The following CRIM1 variants were observed in gnomAD, a reference collection of about 807,000 sequenced individuals.
CRIM1 encodes the protein cysteine rich transmembrane BMP regulator 1.
In CRIM1, 32 loss-of-function variants were observed where a neutral mutation model predicts 116.4. The observed-to-expected ratio is 0.27, with a 90% CI of 0.21 to 0.37. CRIM1 has a LOEUF of 0.37. Ranked by LOEUF, CRIM1 falls within the 10% of genes least tolerant of loss-of-function variation. CRIM1 has a pLI of 1.00. For missense variants in CRIM1, 1,331 were observed against 1,354.8 expected (o/e 0.98, Z 0.28); for synonymous variants, 590 against 509.2 (o/e 1.16, Z -2.13).
At chr2:36,489,731 T>C (rs1291744726) in intron 7 of CRIM1, among the ~76,000 whole-genome samples, 1 of 152,152 alleles carries the variant, frequency 6.6e-6, no homozygotes, top group Non-Finnish European at 1.5e-5. Context: ...CTGGCAAAGA[T>C]AAAAAGTAGT....
chr2:36,358,349 G>T (rs961889514), intron 1 of CRIM1, among the ~76,000 whole-genome samples: 3 of 152,198 alleles, frequency 2.0e-5, no homozygotes, highest in Admixed American at 1.3e-4. Context: ...CCGGCCTCTC[G>T]TAAATCTGAA....
intron 2 of CRIM1, among the ~76,000 whole-genome samples, chr2:36,406,148 AAAATT>A (rs1191890386): frequency 3.3e-5 from 5 of 152,246 alleles, no homozygotes; most frequent in Non-Finnish European, 5.9e-5. Flanking sequence ...AGATATACTG[AAAATT>A]AAATTATATG....
At position 36,548,633 on chromosome 2, in the gene CRIM1, T is replaced by C. The variant is rs1205585281; in HGVS notation, c.3043T>C (p.Phe1015Leu). Residue 1015 changes from phenylalanine (F) to leucine (L), a missense_variant, in exon 17 of 17, where the codon TTC becomes CTC. Coordinates refer to ENST00000280527, the MANE Select transcript of CRIM1 (RefSeq NM_016441.3). ...AAGAATTGCAGAACCAGATGCAAGA[T>C]TCAGTGGCTTCTACAGCATGCAAAA... ...MLRIAEPDAR[F>L]SGFYSMQKQN... The C allele has an allele frequency of 6.2e-7, 1 of 1,612,668 alleles. No individual in the cohort carries two copies. Among genetic ancestry groups the C allele is most frequent in the Non-Finnish European group, 8.5e-7 (1 of 1,179,488 alleles).
rs866597850 is a variant in CRIM1 at position 36,537,465 on chromosome 2, C to T, written c.2542C>T (p.Leu848Phe). 6.2e-7 allele frequency: 1 copy of T among 1,614,234 alleles called. No homozygotes were observed. Among genetic ancestry groups the T allele is most frequent in the Non-Finnish European group, 8.5e-7 (1 of 1,180,038 alleles). ...THCYCLQGQTLCSTVSCPPLP... is the reference protein window; with the variant it reads ...THCYCLQGQTFCSTVSCPPLP... ...CTGCTACTGCCTGCAGGGCCAGACC[C>T]TCTGCTCGACCGTCAGCTGCCCCCC... Residue 848 changes from leucine (L) to phenylalanine (F), a missense_variant, in exon 14 of 17, where the codon CTC (leucine) becomes TTC (phenylalanine). By Grantham distance (22) the Leu-to-Phe change is conservative. This residue lies in a region of CRIM1 where 283 missense variants were observed against 242.8 expected (regional missense o/e 1.17). Coordinates refer to ENST00000280527, the MANE Select transcript of CRIM1 (RefSeq NM_016441.3).
intron 4 of CRIM1, among the ~76,000 whole-genome samples, chr2:36,456,558 A>G (rs932457599): frequency 1.3e-5 from 2 of 152,046 alleles, no homozygotes; most frequent in South Asian, 4.2e-4. Flanking sequence ...AAGCCATCCT[A>G]CCAGCCGTGA....
chr2:36,433,214 T>C (rs1675031659), intron 2 of CRIM1, among the ~76,000 whole-genome samples: 1 of 148,630 alleles, frequency 6.7e-6, no homozygotes, highest in African/African-American at 2.5e-5. Flanking sequence ...TCTAAGTTTC[T>C]GCATTTCCAG....
At chr2:36,365,616 G>C (rs1669536825) in intron 1 of CRIM1, among the ~76,000 whole-genome samples, 1 of 152,204 alleles carries the variant, frequency 6.6e-6, no homozygotes, top group Admixed American at 6.5e-5. Context: ...GGGAGTCTTT[G>C]TGATATAGTG....
chr2:36,372,203 G>T (rs138109526), intron 1 of CRIM1, among the ~76,000 whole-genome samples: 1 of 152,168 alleles, frequency 6.6e-6, no homozygotes, highest in Non-Finnish European at 1.5e-5. Flanking sequence ...TAATTAAAAT[G>T]CCTCACAATG....
intron 1 of CRIM1, among the ~76,000 whole-genome samples, chr2:36,385,879 G>C (rs1174678659): frequency 6.6e-6 from 1 of 152,186 alleles, no homozygotes; most frequent in Non-Finnish European, 1.5e-5. Context: ...CTGGCACATA[G>C]AAAGTGCTCA....
At chr2:36,418,095 G>A (rs1673762293) in intron 2 of CRIM1, among the ~76,000 whole-genome samples, 1 of 152,206 alleles carries the variant, frequency 6.6e-6, no homozygotes, top group African/African-American at 2.4e-5. Flanking sequence ...GGGACTAAGG[G>A]AACAGGTGCA....
At chr2:36,410,348 A>T (rs555748741) in intron 2 of CRIM1, among the ~76,000 whole-genome samples, 1 of 152,300 alleles carries the variant, frequency 6.6e-6, no homozygotes, top group South Asian at 2.1e-4. Context: ...CAATAACAAA[A>T]GAACAATACA....
chr2:36,458,035 G>A (rs1361550301), intron 4 of CRIM1, among the ~76,000 whole-genome samples: 2 of 152,114 alleles, frequency 1.3e-5, no homozygotes, highest in African/African-American at 4.8e-5. Flanking sequence ...ATTTATAGGC[G>A]GTCATGTCTC....
Position 36,356,285 on chromosome 2 carries a change from G to T in CRIM1, c.-8G>T. Reference sequence around the variant, plus strand: ...GCTGCGAGGAGGAGGCGGCGGCGGCGCAGGAGGATGTACTTGGTGGCGGGG... The same window carrying T: ...GCTGCGAGGAGGAGGCGGCGGCGGCTCAGGAGGATGTACTTGGTGGCGGGG... On this transcript the variant is annotated 5_prime_UTR_variant, in exon 1 of 17. Coordinates refer to ENST00000280527, the MANE Select transcript of CRIM1 (RefSeq NM_016441.3). The surrounding 1 kb of genome is among the most constrained non-coding windows in gnomAD (Gnocchi z 4.3). The T allele has an allele frequency of 6.9e-7, 1 of 1,455,146 alleles. No individual in the cohort carries two copies. The highest frequency in any genetic ancestry group is 2.7e-5 in the East Asian group (1 of 37,582). 90.1% of individuals were successfully genotyped at this position (1,455,146 alleles called of 1,614,324 possible).
chr2:36,431,895 T>C (rs1019228203), intron 2 of CRIM1, among the ~76,000 whole-genome samples: 2 of 152,208 alleles, frequency 1.3e-5, no homozygotes, highest in Non-Finnish European at 2.9e-5. Context: ...TTGCTGTCAT[T>C]GTTGCACAAA....
At chr2:36,519,505 T>G (rs1182524291) in intron 12 of CRIM1, among the ~76,000 whole-genome samples, 1 of 152,226 alleles carries the variant, frequency 6.6e-6, no homozygotes, top group Non-Finnish European at 1.5e-5. Flanking sequence ...AAAACTCAAA[T>G]TATCAGTTTC....
intron 13 of CRIM1, chr2:36,531,967 G>C: frequency 2.1e-6 from 1 of 470,972 alleles, no homozygotes. Flanking sequence ...GGTCCCTGAC[G>C]TAGTTGACGG....
chr2:36,485,820 G>C (rs1679777047), intron 7 of CRIM1, among the ~76,000 whole-genome samples: 1 of 152,150 alleles, frequency 6.6e-6, no homozygotes, highest in Admixed American at 6.5e-5. Flanking sequence ...TTATTAGTAA[G>C]CCAAGAATAA....
At chr2:36,408,317 G>A (rs978786427) in intron 2 of CRIM1, among the ~76,000 whole-genome samples, 1 of 152,178 alleles carries the variant, frequency 6.6e-6, no homozygotes, top group African/African-American at 2.4e-5. Flanking sequence ...GCACTCCTGC[G>A]CGTGTTTGTG....
At chr2:36,515,497 G>A (rs1664979139) in intron 11 of CRIM1, among the ~76,000 whole-genome samples, 1 of 152,212 alleles carries the variant, frequency 6.6e-6, no homozygotes, top group Non-Finnish European at 1.5e-5. Context: ...AGACTCCAGA[G>A]CTGTTGCATT....
Sources: allele counts gnomAD v4.1 joint callset (sites outside exome capture counted in the v4.1 genomes callset), GRCh38; gene constraint gnomAD v4.1.1; regional missense constraint gnomAD v4.1.1; non-coding constraint Gnocchi (gnomAD v3.1); transcripts MANE v1.5; gene names NCBI Gene and HGNC (gene_info 2026-07-23, HGNC 2026-07-21).